Variants in IMMP1L observed in about 807,000 individuals in gnomAD.
The protein encoded by IMMP1L is mitochondrial inner membrane protease subunit 1.
A neutral mutation model predicts 21.8 loss-of-function variants in IMMP1L; 24 were observed. The ratio of observed to expected loss-of-function variants is 1.10; its 90% CI spans 0.80 to 1.55. The LOEUF is 1.55. IMMP1L is among the 40% of genes most tolerant of loss of function. The pLI is 0.00. For missense variants in IMMP1L, 195 were observed against 200.7 expected (o/e 0.97, Z 0.17); for synonymous variants, 46 against 62.8 (o/e 0.73, Z 1.26).
intron 1 of IMMP1L, among the ~76,000 whole-genome samples, chr11:31,499,326 T>C (rs922216734): frequency 1.3e-5 from 2 of 151,792 alleles, no homozygotes; most frequent in South Asian, 2.1e-4. Flanking sequence ...GATCACGTCA[T>C]TGCACTCCAG....
intron 1 of IMMP1L, among the ~76,000 whole-genome samples, chr11:31,484,890 T>C (rs929122548): frequency 2.6e-5 from 4 of 151,888 alleles, no homozygotes; most frequent in African/African-American, 9.7e-5. Flanking sequence ...TTTGTTGACT[T>C]AGAAAGGTTA....
Position 31,451,793 on chromosome 11 carries a change from A to G in IMMP1L, c.321+4467T>C, listed in dbSNP as rs545067987. 4.6e-5 allele frequency among the ~76,000 whole-genome samples: 7 copies of G among 152,318 alleles called. No homozygotes were observed. In the South Asian group the frequency reaches 1.0e-3, roughly 23 times the overall value. On this transcript the variant is annotated intron_variant, in intron 4 of 5. Coordinates refer to ENST00000532287, the MANE Select transcript of IMMP1L (RefSeq NM_001304274.2). ...GAGACAGGATGAGGTCAGCTAAAGTATAAGTGTAGATAAACAACAGAAGTT... is the reference window on the plus strand; with the variant it reads ...GAGACAGGATGAGGTCAGCTAAAGTGTAAGTGTAGATAAACAACAGAAGTT...
intron 1 of IMMP1L, among the ~76,000 whole-genome samples, chr11:31,504,854 T>C (rs928217928): frequency 2.0e-5 from 3 of 152,160 alleles, no homozygotes; most frequent in Admixed American, 6.5e-5. Flanking sequence ...ATAATAAAAG[T>C]AGAGAAGTAG....
intron 1 of IMMP1L, among the ~76,000 whole-genome samples, chr11:31,466,128 C>T (rs1165583066): frequency 6.6e-6 from 1 of 151,886 alleles, no homozygotes; most frequent in African/African-American, 2.4e-5. Flanking sequence ...CAAAAGAAAA[C>T]ATAGAAATGG....
intron 5 of IMMP1L, among the ~76,000 whole-genome samples, chr11:31,432,953 A>G (rs1952964746): frequency 6.6e-6 from 1 of 152,170 alleles, no homozygotes; most frequent in African/African-American, 2.4e-5. Context: ...GAATCCTGTA[A>G]ATTATCCAAC....
intron 1 of IMMP1L, among the ~76,000 whole-genome samples, chr11:31,465,064 T>C (rs1954285186): frequency 6.6e-6 from 1 of 152,098 alleles, no homozygotes. Flanking sequence ...AAAAATACTT[T>C]TAGAACTGAT....
chr11:31,470,252 A>G (rs1954496845), intron 1 of IMMP1L, among the ~76,000 whole-genome samples: 1 of 152,138 alleles, frequency 6.6e-6, no homozygotes, highest in African/African-American at 2.4e-5. Context: ...CGTCTCTACT[A>G]AAAATACAAA....
intron 1 of IMMP1L, among the ~76,000 whole-genome samples, chr11:31,481,362 T>A (rs2133752981): frequency 6.6e-6 from 1 of 152,170 alleles, no homozygotes; most frequent in East Asian, 1.9e-4. Context: ...CAGGATAAAA[T>A]AATACTTAAT....
chr11:31,507,019 C>A (rs1955798908), intron 1 of IMMP1L, among the ~76,000 whole-genome samples: 1 of 151,886 alleles, frequency 6.6e-6, no homozygotes, highest in African/African-American at 2.4e-5. Context: ...CTGGCTCACA[C>A]CTGTAATTCC....
intron 3 of IMMP1L, among the ~76,000 whole-genome samples, chr11:31,456,841 G>A (rs563879982): frequency 3.5e-5 from 4 of 115,370 alleles, no homozygotes; most frequent in South Asian, 3.0e-4. Context: ...GGCTAAGATC[G>A]TGCCACCATG....
chr11:31,437,482 T>A (rs1013690654), intron 4 of IMMP1L, among the ~76,000 whole-genome samples: 1 of 152,206 alleles, frequency 6.6e-6, no homozygotes, highest in Non-Finnish European at 1.5e-5. Context: ...GCTCAACCCA[T>A]ACTCAGTTTA....
At chr11:31,447,703 A>G (rs1953575996) in intron 4 of IMMP1L, among the ~76,000 whole-genome samples, 1 of 152,208 alleles carries the variant, frequency 6.6e-6, no homozygotes, top group South Asian at 2.1e-4. Flanking sequence ...AAAACACTCT[A>G]ACGTCCAGAT....
At chr11:31,476,833 A>G (rs563179473) in intron 1 of IMMP1L, among the ~76,000 whole-genome samples, 10 of 152,232 alleles carry the variant, frequency 6.6e-5, no homozygotes, top group African/African-American at 2.4e-4. Flanking sequence ...AAAAAATATT[A>G]AAATAATTAA....
At chr11:31,506,905 A>G (rs1955794649) in intron 1 of IMMP1L, among the ~76,000 whole-genome samples, 1 of 151,550 alleles carries the variant, frequency 6.6e-6, no homozygotes, top group Non-Finnish European at 1.5e-5. Context: ...GGTTGCAGTA[A>G]GCCGAGATCA....
intron 4 of IMMP1L, among the ~76,000 whole-genome samples, chr11:31,447,528 G>A (rs935368653): frequency 3.9e-5 from 6 of 152,174 alleles, no homozygotes; most frequent in African/African-American, 9.7e-5. Flanking sequence ...TTGCATCGAA[G>A]AATTTTAAAT....
chr11:31,440,951 T>C (rs544997668), intron 4 of IMMP1L, among the ~76,000 whole-genome samples: 3 of 152,278 alleles, frequency 2.0e-5, no homozygotes, highest in South Asian at 4.1e-4. Context: ...TGTTCCTCAG[T>C]AGGCAGAGGT....
chr11:31,441,302 T>G (rs914353912), intron 4 of IMMP1L, among the ~76,000 whole-genome samples: 30 of 151,786 alleles, frequency 2.0e-4, no homozygotes, highest in African/African-American at 6.8e-4. Context: ...TTGAATTTTT[T>G]TAAAAGGTGT....
intron 4 of IMMP1L, chr11:31,453,142 C>T: frequency 7.8e-7 from 1 of 1,275,788 alleles, no homozygotes; most frequent in Admixed American, 2.4e-5. Flanking sequence ...GCCATGTGGT[C>T]TTTTAAAACT....
chr11:31,489,088 G>A (rs1050303681), intron 1 of IMMP1L, among the ~76,000 whole-genome samples: 29 of 151,900 alleles, frequency 1.9e-4, no homozygotes, highest in East Asian at 3.9e-4. Context: ...TAGTAGAGAC[G>A]GGGTTTCACC....
Sources: gnomAD v4.1 joint callset for allele counts (sites outside exome capture counted in the v4.1 genomes callset) on GRCh38, gnomAD v4.1.1 for gene constraint, MANE v1.5 for transcripts, NCBI Gene and HGNC (gene_info 2026-07-23, HGNC 2026-07-21) for gene names.